Variants in KLHL20 observed in about 807,000 individuals in gnomAD.
KLHL20 encodes kelch-like protein 20.
A neutral mutation model predicts 69.5 loss-of-function variants in KLHL20; 29 were observed. The ratio of observed to expected loss-of-function variants is 0.42; its 90% CI spans 0.31 to 0.57. The LOEUF (loss-of-function observed/expected upper bound fraction) is 0.57, where lower values mean the gene tolerates loss of function less well. Ranked by LOEUF, KLHL20 falls within the 20% of genes least tolerant of loss-of-function variation. The pLI is 0.18. For synonymous variants in KLHL20, 253 were observed against 265.2 expected (o/e 0.95, Z 0.45); for missense variants, 419 against 776.0 (o/e 0.54, Z 5.47).
chr1:173,784,094 A>G (rs1649055503), intron 11 of KLHL20, among the ~76,000 whole-genome samples: 1 of 152,134 alleles, frequency 6.6e-6, no homozygotes, highest in Non-Finnish European at 1.5e-5. Context: ...AAAACAAAAC[A>G]ACAAAAAAGT....
At position 173,775,802 on chromosome 1, in the gene KLHL20, A is replaced by T. The variant is rs1168769910; in HGVS notation, c.1598A>T (p.Gln533Leu). 1.2e-6 allele frequency: 2 copies of T among 1,614,066 alleles called. No individual in the cohort carries two copies. Among genetic ancestry groups the T allele is most frequent in the Non-Finnish European group, 1.7e-6 (2 of 1,180,038 alleles). The stretch of plus-strand genomic sequence containing the variant: ...GAGAGATACAACCCCAGAACCAACC[A>T]GTGGTCTCCAGTGGTGGCCATGACA... ...SAERYNPRTN[Q>L]WSPVVAMTSR... is the part of the protein sequence containing the mutation. Residue 533 changes from glutamine to leucine, a missense_variant, in exon 10 of 12, where the codon CAG (glutamine) becomes CTG (leucine). Gln to Leu is a moderately radical substitution (Grantham distance 113). Around this residue, in one of 6 missense-constraint regions of KLHL20, gnomAD observed 79 missense variants for 154.4 expected, o/e 0.51. Transcript: ENST00000209884.
chr1:173,726,602 G>C (rs1207970867), intron 2 of KLHL20, among the ~76,000 whole-genome samples: 2 of 152,192 alleles, frequency 1.3e-5, no homozygotes, highest in Admixed American at 1.3e-4. Flanking sequence ...AATATCCGCT[G>C]TTCTGCAGCC....
chr1:173,771,446 A>G (rs1034391271), intron 8 of KLHL20, among the ~76,000 whole-genome samples: 1 of 152,158 alleles, frequency 6.6e-6, no homozygotes, highest in African/African-American at 2.4e-5. Context: ...CTGTAGAACT[A>G]TGACTAAATG....
At chr1:173,760,049 GAC>G (rs1179794916) in intron 7 of KLHL20, among the ~76,000 whole-genome samples, 2 of 152,060 alleles carry the variant, frequency 1.3e-5, no homozygotes, top group Admixed American at 1.3e-4. Flanking sequence ...GGAAACTTTG[GAC>G]ACACTTTTAG....
intron 3 of KLHL20, among the ~76,000 whole-genome samples, chr1:173,748,169 TA>T (rs1293977596): frequency 6.6e-6 from 1 of 152,166 alleles, no homozygotes; most frequent in African/African-American, 2.4e-5. Flanking sequence ...ATTAATAATT[TA>T]AAAACCTTCT....
chr1:173,742,645 GTGTA>G lies in KLHL20; in HGVS notation c.597+8365_597+8368del, dbSNP rs200475161. Among the ~76,000 whole-genome samples the G allele has an allele frequency of 4.5e-3, 674 of 150,596 alleles. 5 individuals are homozygous for G. The highest frequency in any genetic ancestry group is 0.015 in the African/African-American group (634 of 41,120). On this transcript the variant is annotated intron_variant, in intron 3 of 11. Transcript: ENST00000209884. The stretch of plus-strand genomic sequence containing the variant: ...GATATATACACATACGTGTATATAC[GTGTA>G]TGTATATACACGTATGTGTATATAT...
chr1:173,748,434 A>C (rs1673165137), intron 3 of KLHL20, among the ~76,000 whole-genome samples: 1 of 152,168 alleles, frequency 6.6e-6, no homozygotes, highest in Non-Finnish European at 1.5e-5. Flanking sequence ...AAATACTATG[A>C]CTTAAGTGTG....
intron 3 of KLHL20, among the ~76,000 whole-genome samples, chr1:173,735,335 A>G (rs1672476805): frequency 6.6e-6 from 1 of 152,038 alleles, no homozygotes; most frequent in African/African-American, 2.4e-5. Flanking sequence ...AGTCCCAGCT[A>G]CTTAGGAGGC....
intron 7 of KLHL20, 62 bp from the exon 8 acceptor site, chr1:173,766,084 T>G: frequency 7.4e-7 from 1 of 1,345,288 alleles, no homozygotes; most frequent in Non-Finnish European, 9.9e-7. Flanking sequence ...ATTTAGAATA[T>G]GTAAACATAG....
chr1:173,776,362 T>C (rs931370796), intron 10 of KLHL20, among the ~76,000 whole-genome samples: 2 of 152,204 alleles, frequency 1.3e-5, no homozygotes, highest in Non-Finnish European at 2.9e-5. Context: ...TTTCTCCCAT[T>C]CTGTGGGTTG....
At chr1:173,727,308 C>T (rs1474821724) in intron 2 of KLHL20, among the ~76,000 whole-genome samples, 3 of 152,002 alleles carry the variant, frequency 2.0e-5, no homozygotes, top group Non-Finnish European at 4.4e-5. Context: ...AGAATGGAAC[C>T]AAGTTGGAAA....
intron 7 of KLHL20, among the ~76,000 whole-genome samples, chr1:173,758,832 A>G (rs142319667): frequency 0.012 from 1,805 of 152,346 alleles, 45 homozygotes; most frequent in African/African-American, 0.042. Context: ...GGAATTCTCT[A>G]GCTGAACTTT....
At chr1:173,728,341 G>A (rs144129870) in intron 2 of KLHL20, among the ~76,000 whole-genome samples, 9,280 of 152,126 alleles carry the variant, frequency 0.061, 1,002 homozygotes, top group African/African-American at 0.21. Flanking sequence ...CAACGAGACA[G>A]AAAGTTAACA....
In KLHL20 at chr1:173,785,280, TG is replaced by T; in HGVS notation, c.*34del. 1.3e-6 allele frequency: 2 copies of T among 1,492,944 alleles called. No individual in the cohort carries two copies. Among genetic ancestry groups the T allele is most frequent in the South Asian group, 2.5e-5 (2 of 80,834 alleles). The allele number at this position is 1,492,944 out of a possible 1,614,324, so 92.5% of individuals were successfully genotyped here. On this transcript the variant is annotated 3_prime_UTR_variant, in exon 12 of 12. Coordinates refer to ENST00000209884, the MANE Select transcript of KLHL20 (RefSeq NM_014458.4). ...GAAGACAGTCTTGTATATATTCCTC[TG>T]TATTCTGGGGAGCTTTGACCTTGGA...
chr1:173,764,993 C>A (rs866551053), intron 7 of KLHL20, among the ~76,000 whole-genome samples: 13 of 152,004 alleles, frequency 8.6e-5, no homozygotes, highest in African/African-American at 3.1e-4. Flanking sequence ...TAGAATGCAA[C>A]TAAGGTGGTA....
intron 2 of KLHL20, among the ~76,000 whole-genome samples, chr1:173,727,202 G>C (rs1317710056): frequency 1.3e-5 from 2 of 148,950 alleles, no homozygotes; most frequent in Non-Finnish European, 3.0e-5. Context: ...AGAGAAAAAA[G>C]AATGAAAAAA....
At chr1:173,725,822 A>G (rs1671929616) in intron 2 of KLHL20, among the ~76,000 whole-genome samples, 1 of 152,246 alleles carries the variant, frequency 6.6e-6, no homozygotes, top group Non-Finnish European at 1.5e-5. Flanking sequence ...AGCATGAGCG[A>G]TGCAGAAGAC....
intron 2 of KLHL20, among the ~76,000 whole-genome samples, chr1:173,720,461 A>C (rs1671666867): frequency 6.6e-6 from 1 of 152,202 alleles, no homozygotes; most frequent in Admixed American, 6.6e-5. Flanking sequence ...TGAGGCTACA[A>C]CAGTGGGAAA....
chr1:173,757,664 CAA>C (rs906943946), intron 7 of KLHL20, among the ~76,000 whole-genome samples: 7 of 59,032 alleles, frequency 1.2e-4, no homozygotes, highest in Admixed American at 1.9e-4. Flanking sequence ...GACTCCTTCT[CAA>C]AAAAAAAAAA....
Sources: gnomAD v4.1 joint callset for allele counts (sites outside exome capture counted in the v4.1 genomes callset) on GRCh38, gnomAD v4.1.1 for gene constraint, gnomAD v4.1.1 regional missense constraint, MANE v1.5 for transcripts, NCBI Gene and HGNC (gene_info 2026-07-23, HGNC 2026-07-21) for gene names.